The following CRACR2A variants were observed in gnomAD, a reference collection of about 807,000 sequenced individuals.
The protein encoded by CRACR2A is calcium release activated channel regulator 2A.
In CRACR2A, 79 loss-of-function variants were observed where a neutral mutation model predicts 90.5. The ratio of observed to expected loss-of-function variants is 0.87; its 90% confidence interval spans 0.73 to 1.05. The LOEUF is 1.05. Among genes scored for constraint, CRACR2A ranks in the 50% least tolerant of loss-of-function variants. The pLI is 0.00. For missense variants in CRACR2A, 823 were observed against 897.2 expected (o/e 0.92, Z 1.06); for synonymous variants, 338 against 356.7 (o/e 0.95, Z 0.59).
In CRACR2A at chr12:3,644,049, C is replaced by CATATAT. The variant is rs71441831; in HGVS notation, c.1164+540_1164+545dup. Among the ~76,000 whole-genome samples the CATATAT allele has an allele frequency of 8.9e-3, 1,195 of 133,628 alleles. 29 individuals carry two copies. The highest frequency in any genetic ancestry group is 0.078 in the East Asian group (345 of 4,430). 87.7% of individuals were successfully genotyped at this position (133,628 alleles called of 152,430 possible). A position where few individuals can be genotyped will look rare whatever the true frequency, so the allele number is the denominator to read the frequency against. Reference sequence around the variant, plus strand: ...TTAGCAGTTTTGTGATTCTACGACTCATATATATATATATATATGCACACA... The same window carrying CATATAT: ...TTAGCAGTTTTGTGATTCTACGACTCATATATATATATATATATATATATGCACACA... On this transcript the variant is annotated intron_variant, in intron 12 of 19. Coordinates refer to ENST00000440314, the MANE Select transcript of CRACR2A (RefSeq NM_001144958.2).
intron 2 of CRACR2A, among the ~76,000 whole-genome samples, chr12:3,718,381 C>G (rs925724527): frequency 3.9e-5 from 6 of 152,178 alleles, no homozygotes; most frequent in Non-Finnish European, 5.9e-5. Flanking sequence ...AGCATTCTCT[C>G]TCAAGCAGCC....
intron 7 of CRACR2A, among the ~76,000 whole-genome samples, chr12:3,667,832 C>T (rs1382219020): frequency 2.0e-5 from 3 of 152,260 alleles, no homozygotes; most frequent in Admixed American, 6.5e-5. Flanking sequence ...CTCTCTCACA[C>T]ACACGTGGGC....
chr12:3,637,061 G>A (rs73243777), intron 14 of CRACR2A, among the ~76,000 whole-genome samples: 3,893 of 152,280 alleles, frequency 0.026, 155 homozygotes, highest in African/African-American at 0.088. Flanking sequence ...GAGGCAAAGA[G>A]CATCTATCAC....
intron 7 of CRACR2A, among the ~76,000 whole-genome samples, chr12:3,667,903 AAG>A (rs1945176140): frequency 6.6e-6 from 1 of 152,258 alleles, no homozygotes; most frequent in Non-Finnish European, 1.5e-5. Context: ...AGGAAAACGT[AAG>A]AGTTTGTAGA....
chr12:3,725,404 C>G (rs924995856), intron 2 of CRACR2A, among the ~76,000 whole-genome samples: 1 of 152,144 alleles, frequency 6.6e-6, no homozygotes, highest in African/African-American at 2.4e-5. Context: ...CTATATCACT[C>G]CAGCTCTGCC....
In CRACR2A at chr12:3,742,009, C is replaced by A. The variant is rs138998059; in HGVS notation, c.-386-8799G>T. 7.2e-3 allele frequency among the ~76,000 whole-genome samples: 1,102 copies of A among 152,290 alleles called. 9 individuals carry two copies. The highest frequency in any genetic ancestry group is 0.024 in the African/African-American group (1,013 of 41,546). ...TCTCTCCAAAGCACCTCTGAGACAG[C>A]CCAGCCATTTCACAGGTTGCAGACA... is the stretch of plus-strand genomic sequence containing the variant. On this transcript the variant is annotated intron_variant, in intron 1 of 19. Coordinates refer to ENST00000440314, the MANE Select transcript of CRACR2A (RefSeq NM_001144958.2).
intron 1 of CRACR2A, among the ~76,000 whole-genome samples, chr12:3,738,599 A>G (rs1946482098): frequency 1.3e-5 from 2 of 152,226 alleles, no homozygotes. Context: ...GCAGCACAAA[A>G]AGACAAAGAC....
intron 1 of CRACR2A, among the ~76,000 whole-genome samples, chr12:3,740,186 C>A (rs1233886622): frequency 6.6e-6 from 1 of 152,080 alleles, no homozygotes; most frequent in Non-Finnish European, 1.5e-5. Context: ...CTACCCCAAC[C>A]CCCATGCTGG....
intron 7 of CRACR2A, among the ~76,000 whole-genome samples, chr12:3,665,272 G>C (rs1481319692): frequency 1.3e-5 from 2 of 152,170 alleles, no homozygotes; most frequent in Admixed American, 1.3e-4. Flanking sequence ...TGATAGCTGG[G>C]TAGTTCTTCT....
chr12:3,721,906 G>C (rs1318880693), intron 2 of CRACR2A, among the ~76,000 whole-genome samples: 1 of 152,184 alleles, frequency 6.6e-6, no homozygotes, highest in Non-Finnish European at 1.5e-5. Context: ...AAAAATGTGA[G>C]TAGGGAACAG....
At chr12:3,636,753 G>T (rs1944460864) in intron 14 of CRACR2A, among the ~76,000 whole-genome samples, 1 of 152,174 alleles carries the variant, frequency 6.6e-6, no homozygotes, top group Admixed American at 6.5e-5. Context: ...ACCCCACATT[G>T]GTGCCACCCA....
In CRACR2A at chr12:3,633,897, A is replaced by G; in HGVS notation, c.1603-161T>C. ...GCTGCCACAGCCTCAGAATGCAGTG[A>G]GCATAGTCGGTCTTGGGGCATGGAG... On this transcript the variant is annotated intron_variant, in intron 14 of 19. Coordinates refer to ENST00000440314, the MANE Select transcript of CRACR2A (RefSeq NM_001144958.2). This position sits in a 1 kb window ranked among gnomAD's most constrained non-coding sequence, Gnocchi z 4.5. Among the ~76,000 whole-genome samples, 1 of 152,168 alleles carries G rather than the reference A, an allele frequency of 6.6e-6. No individual in the cohort carries two copies. Among genetic ancestry groups the G allele is most frequent in the Non-Finnish European group, 1.5e-5 (1 of 68,026 alleles).
chr12:3,666,377 G>GCACGCGCGCA (rs1369052289), intron 7 of CRACR2A, among the ~76,000 whole-genome samples: 3 of 151,996 alleles, frequency 2.0e-5, no homozygotes, highest in African/African-American at 4.8e-5. Flanking sequence ...GCGTGCGCGC[G>GCACGCGCGCA]CACGCGCGCA....
intron 2 of CRACR2A, among the ~76,000 whole-genome samples, chr12:3,724,261 G>A (rs746529985): frequency 5.6e-4 from 85 of 152,158 alleles, no homozygotes; most frequent in African/African-American, 1.6e-3. Flanking sequence ...GGAAATGCAC[G>A]CACAAGATCC....
chr12:3,634,727 T>G (rs531802604), intron 14 of CRACR2A, among the ~76,000 whole-genome samples: 13 of 152,294 alleles, frequency 8.5e-5, no homozygotes, highest in African/African-American at 2.4e-4. Context: ...AATACTATAA[T>G]GTAGTGGCAG....
In CRACR2A at chr12:3,645,680, G is replaced by A. The variant is rs147174200; in HGVS notation, c.1119-1040C>T. Among the ~76,000 whole-genome samples the A allele has an allele frequency of 3.1e-3, 465 of 152,180 alleles. 1 individual carries two copies. Among genetic ancestry groups the A allele is most frequent in the Non-Finnish European group, 5.1e-3 (345 of 67,988 alleles). ...GTCATTGGCAACCTGGGTAAGAACCGTTTTTTTGGAACAGCACGGGGAAAA... is the reference window on the plus strand; with the variant it reads ...GTCATTGGCAACCTGGGTAAGAACCATTTTTTTGGAACAGCACGGGGAAAA... On this transcript the variant is annotated intron_variant, in intron 11 of 19. Transcript: ENST00000440314.
chr12:3,721,529 G>A (rs577673761), intron 2 of CRACR2A, among the ~76,000 whole-genome samples: 1 of 148,746 alleles, frequency 6.7e-6, no homozygotes, highest in Non-Finnish European at 1.5e-5. Context: ...TGCAGTAAGT[G>A]AGCCATGATC....
At chr12:3,692,649 G>T in intron 4 of CRACR2A, among the ~76,000 whole-genome samples, 1 of 152,208 alleles carries the variant, frequency 6.6e-6, no homozygotes, top group Non-Finnish European at 1.5e-5. Flanking sequence ...AACAGCAGCA[G>T]TGGCAGCAGC....
intron 7 of CRACR2A, among the ~76,000 whole-genome samples, chr12:3,666,330 C>CGTGTGCGTGTGT (rs1555112059): frequency 7.2e-6 from 1 of 139,582 alleles, no homozygotes; most frequent in Non-Finnish European, 1.6e-5. Context: ...AGGACGGCTG[C>CGTGTGCGTGTGT]GTGTGTGTGT....
Sources: allele counts gnomAD v4.1 joint callset (sites outside exome capture counted in the v4.1 genomes callset), GRCh38; gene constraint gnomAD v4.1.1; non-coding constraint Gnocchi (gnomAD v3.1); transcripts MANE v1.5; gene names NCBI Gene and HGNC (gene_info 2026-07-23, HGNC 2026-07-21).